TNS1: variants seen among roughly 807,000 people sequenced by gnomAD.
TNS1 encodes tensin-1.
A neutral mutation model predicts 168.6 loss-of-function variants in TNS1; 62 were observed. The ratio of observed to expected loss-of-function variants is 0.37; its 90% confidence interval spans 0.30 to 0.45. The LOEUF (loss-of-function observed/expected upper bound fraction) is 0.45. Among genes scored for constraint, TNS1 ranks in the 20% least tolerant of loss-of-function variants. The probability of loss-of-function intolerance (pLI) is 1.00; values close to 1 mark genes in which losing one functional copy is unlikely to be tolerated. For synonymous variants in TNS1, 934 were observed against 933.2 expected (o/e 1.00, Z -0.02); for missense variants, 2,240 against 2,339.4 (o/e 0.96, Z 0.88).
At position 217,800,846 on chromosome 2, in the gene TNS1, C is replaced by T. The variant is rs1372680751; in HGVS notation, c.*3613G>A. On this transcript the variant is annotated 3_prime_UTR_variant, in exon 33 of 33. Coordinates refer to ENST00000682258, the MANE Select transcript of TNS1 (RefSeq NM_001387777.1). ...GTGAGACTAGATTTGATCACACTCA[C>T]CACCCTTCTGTGCCCCCTGGACAGC... 6.6e-6 allele frequency: 1 copy of T among 152,222 alleles called. No individual in the cohort carries two copies. Among genetic ancestry groups the T allele is most frequent in the Non-Finnish European group, 1.5e-5 (1 of 68,062 alleles). 9.4% of individuals were successfully genotyped at this position (152,222 alleles called of 1,614,324 possible). A position where few individuals can be genotyped will look rare whatever the true frequency, so the allele number is the denominator to read the frequency against.
chr2:217,930,600 C>T (rs1024967738), intron 3 of TNS1, among the ~76,000 whole-genome samples: 3 of 152,070 alleles, frequency 2.0e-5, no homozygotes, highest in African/African-American at 4.8e-5. Context: ...GGCTGGAGCC[C>T]GAGAGTCCAG....
chr2:217,828,764 G>A (rs1007014538), intron 22 of TNS1, among the ~76,000 whole-genome samples: 20 of 152,136 alleles, frequency 1.3e-4, no homozygotes, highest in African/African-American at 4.1e-4. Flanking sequence ...TCAGAATTAC[G>A]TGCATGGGAA....
chr2:218,029,881 C>T (rs547774138), intron 1 of TNS1, among the ~76,000 whole-genome samples: 6 of 152,288 alleles, frequency 3.9e-5, no homozygotes, highest in South Asian at 4.1e-4. Context: ...GTACACTTTT[C>T]TGTGTTTAGG....
chr2:218,004,377 C>T (rs13386813), upstream of TNS1, among the ~76,000 whole-genome samples: 4 of 152,110 alleles, frequency 2.6e-5, no homozygotes, highest in Admixed American at 6.5e-5. Flanking sequence ...CTCCCCCCCC[C>T]ACTCACCCAA....
chr2:217,926,417 C>G (rs1337793000), intron 3 of TNS1, among the ~76,000 whole-genome samples: 1 of 152,136 alleles, frequency 6.6e-6, no homozygotes, highest in Non-Finnish European at 1.5e-5. Context: ...TTCTATTCAT[C>G]CATCCATGGA....
chr2:217,929,693 C>A (rs937405403), intron 3 of TNS1, among the ~76,000 whole-genome samples: 6 of 148,732 alleles, frequency 4.0e-5, no homozygotes, highest in African/African-American at 1.5e-4. Context: ...TCCCTCAGCC[C>A]TCCACCCCCC....
chr2:217,939,816 C>T (rs1956819124), intron 3 of TNS1, among the ~76,000 whole-genome samples: 1 of 152,246 alleles, frequency 6.6e-6, no homozygotes, highest in Admixed American at 6.5e-5. Flanking sequence ...CCCACCACCC[C>T]TCCCACATGG....
chr2:217,879,433 G>A (rs1253183414), intron 18 of TNS1: 2 of 454,850 alleles, frequency 4.4e-6, no homozygotes, highest in South Asian at 1.6e-5. Context: ...CCCGGGGATG[G>A]AGGAGTGCTT....
intron 3 of TNS1, among the ~76,000 whole-genome samples, chr2:217,961,696 C>T (rs1957501148): frequency 6.6e-6 from 1 of 152,194 alleles, no homozygotes; most frequent in Admixed American, 6.5e-5. Context: ...GGTGGGACCC[C>T]CCCATTCTTC....
intron 23 of TNS1, among the ~76,000 whole-genome samples, chr2:217,820,130 C>A (rs1382964253): frequency 6.6e-6 from 1 of 152,096 alleles, no homozygotes; most frequent in Admixed American, 6.5e-5. Flanking sequence ...GGAGACAGAG[C>A]CAGGCTGAGC....
intron 3 of TNS1, among the ~76,000 whole-genome samples, chr2:217,946,577 G>A (rs942846871): frequency 6.6e-6 from 1 of 152,078 alleles, no homozygotes; most frequent in East Asian, 1.9e-4. Flanking sequence ...CTATATAATC[G>A]CAGGCAGAAA....
chr2:218,031,016 ATGTGTGTATG>A (rs1317913627), intron 1 of TNS1, among the ~76,000 whole-genome samples: 10 of 139,832 alleles, frequency 7.2e-5, no homozygotes, highest in Non-Finnish European at 1.1e-4. Context: ...GTGGGAGTGT[ATGTGTGTATG>A]TGTGTGTATG....
chr2:217,825,904 AC>A (rs1452068763), intron 22 of TNS1, among the ~76,000 whole-genome samples: 1 of 152,196 alleles, frequency 6.6e-6, no homozygotes, highest in African/African-American at 2.4e-5. Flanking sequence ...AGTTCTCAAG[AC>A]ACTGGGAGTC....
At chr2:217,894,046 T>C (rs555971295) in intron 9 of TNS1, among the ~76,000 whole-genome samples, 54 of 152,270 alleles carry the variant, frequency 3.5e-4, no homozygotes, top group African/African-American at 1.3e-3. Context: ...GACTCTTTTC[T>C]AGGCCCTGGT....
At chr2:218,012,463 A>G (rs564191545), upstream of TNS1, among the ~76,000 whole-genome samples, 9 of 152,314 alleles carry the variant, frequency 5.9e-5, no homozygotes, top group South Asian at 1.9e-3. Context: ...CCTGAAGCCA[A>G]TGATGAACTG....
Position 217,893,431 on chromosome 2 carries a change from G to A in TNS1, c.717+8C>T. 6.5e-7 allele frequency: 1 copy of A among 1,528,106 alleles called. No homozygotes were observed. The allele number at this position is 1,528,106 out of a possible 1,614,324, so 94.7% of individuals were successfully genotyped here. On this transcript the variant is annotated splice_region_variant and intron_variant, in intron 10 of 32. Coordinates refer to ENST00000682258, the MANE Select transcript of TNS1 (RefSeq NM_001387777.1). ...ACACACACACACACACACACACACA[G>A]CTCTGACCTTGTTGTGTAGAACAAC...
At chr2:217,839,378 T>TC (rs1433136242) in intron 19 of TNS1, among the ~76,000 whole-genome samples, 1 of 151,854 alleles carries the variant, frequency 6.6e-6, no homozygotes, top group Non-Finnish European at 1.5e-5. Flanking sequence ...TGAGCAGTTA[T>TC]CCCAGCCCCA....
At chr2:217,963,638 G>A (rs893001808) in intron 3 of TNS1, among the ~76,000 whole-genome samples, 1 of 150,212 alleles carries the variant, frequency 6.7e-6, no homozygotes, top group Admixed American at 6.7e-5. Context: ...ATGAAGAAAA[G>A]ATAAATATTT....
chr2:217,881,018 AG>A lies in TNS1; in HGVS notation c.1313-5del, dbSNP rs1950630347. 6.2e-7 allele frequency: 1 copy of A among 1,607,704 alleles called. No individual in the cohort carries two copies. Among genetic ancestry groups the A allele is most frequent in the African/African-American group, 1.3e-5 (1 of 74,776 alleles). ...CCGTTCTCCAGGTGCTCCATGCCTA[AG>A]TGGGATGGGAAAGGCAGCGGCAGTC... On this transcript the variant is annotated splice_region_variant and splice_polypyrimidine_tract_variant and intron_variant, in intron 17 of 32. Transcript: ENST00000682258.
Sources: gnomAD v4.1 joint callset for allele counts (sites outside exome capture counted in the v4.1 genomes callset) on GRCh38, gnomAD v4.1.1 for gene constraint, MANE v1.5 for transcripts, NCBI Gene and HGNC (gene_info 2026-07-23, HGNC 2026-07-21) for gene names.